Variants in C1orf21 observed in about 807,000 individuals in gnomAD.
C1orf21 encodes uncharacterized protein C1orf21.
Under a neutral mutation model 18.7 loss-of-function variants are expected in C1orf21, and 3 were observed. That is an observed-to-expected ratio of 0.16 (90% CI 0.07 to 0.42). The LOEUF is 0.42. C1orf21 is among the 10% of genes least tolerant of loss of function. C1orf21 has a pLI of 0.99. For synonymous variants in C1orf21, 41 were observed against 46.4 expected (o/e 0.88, Z 0.47); for missense variants, 104 against 143.6 (o/e 0.72, Z 1.41).
rs1290352582 is a variant in C1orf21 at position 184,616,660 on chromosome 1, ATG to A, written c.328-2851_328-2850del. On this transcript the variant is annotated intron_variant, in intron 5 of 5. Coordinates refer to ENST00000235307, the MANE Select transcript of C1orf21 (RefSeq NM_030806.4). ...TGAGAACACCACCTTTCATGTATGC[ATG>A]TGTGTGCATGTGTGCACGTGTGTGT... Among the ~76,000 whole-genome samples, 5 of 151,878 alleles carry A rather than the reference ATG, an allele frequency of 3.3e-5. 1 individual carries two copies. The highest frequency in any genetic ancestry group is 4.8e-5 in the African/African-American group (2 of 41,382).
intron 3 of C1orf21, among the ~76,000 whole-genome samples, chr1:184,561,172 G>A (rs1275933035): frequency 6.6e-6 from 1 of 152,134 alleles, no homozygotes; most frequent in African/African-American, 2.4e-5. Flanking sequence ...CCCAACCTAA[G>A]CCTGCCAGTG....
At chr1:184,445,282 T>C (rs1657010658) in intron 1 of C1orf21, among the ~76,000 whole-genome samples, 1 of 152,050 alleles carries the variant, frequency 6.6e-6, no homozygotes, top group South Asian at 2.1e-4. Flanking sequence ...TCAGGCATGT[T>C]TTCAGAGAAA....
chr1:184,569,655 G>A (rs575412344), intron 3 of C1orf21, among the ~76,000 whole-genome samples: 12 of 152,272 alleles, frequency 7.9e-5, no homozygotes, highest in African/African-American at 2.6e-4. Context: ...CCAGGAGTTC[G>A]AGGACAGCCT....
At chr1:184,589,947 C>G (rs1370275341) in intron 3 of C1orf21, among the ~76,000 whole-genome samples, 4 of 152,170 alleles carry the variant, frequency 2.6e-5, no homozygotes, top group Non-Finnish European at 4.4e-5. Flanking sequence ...GGCCTTACCT[C>G]AAGTTCCTCG....
chr1:184,554,853 G>C (rs1353461644), intron 3 of C1orf21, among the ~76,000 whole-genome samples: 6 of 152,182 alleles, frequency 3.9e-5, no homozygotes, highest in Non-Finnish European at 8.8e-5. Flanking sequence ...CTTGAAAATA[G>C]AAGTAAAAAT....
At position 184,624,490 on chromosome 1, in the gene C1orf21, G is replaced by C. The variant is rs1011182414; in HGVS notation, c.*4934G>C. ...TTTCTTTCCTGGGTTCCCAAGTCTTGTTGTTTCATCACAAACTGTATCTTT... is the reference window on the plus strand; with the variant it reads ...TTTCTTTCCTGGGTTCCCAAGTCTTCTTGTTTCATCACAAACTGTATCTTT... On this transcript the variant is annotated 3_prime_UTR_variant, in exon 6 of 6. Coordinates refer to ENST00000235307, the MANE Select transcript of C1orf21 (RefSeq NM_030806.4). The C allele has an allele frequency of 2.6e-5, 4 of 152,156 alleles. No individual in the cohort carries two copies. The highest frequency in any genetic ancestry group is 9.7e-5 in the African/African-American group (4 of 41,448). 9.4% of individuals were successfully genotyped at this position (152,156 alleles called of 1,614,324 possible). A position where few individuals can be genotyped will look rare whatever the true frequency, so the allele number is the denominator to read the frequency against.
intron 1 of C1orf21, among the ~76,000 whole-genome samples, chr1:184,404,824 C>A (rs80053700): frequency 0.016 from 2,396 of 152,262 alleles, 29 homozygotes; most frequent in Non-Finnish European, 0.025. Context: ...TCTCTACCCC[C>A]TCGTGATGCG....
chr1:184,493,782 A>G (rs1388027619), intron 2 of C1orf21, among the ~76,000 whole-genome samples: 2 of 152,164 alleles, frequency 1.3e-5, no homozygotes, highest in Admixed American at 6.5e-5. Context: ...GAAAGTGTTT[A>G]TAAGATCTTG....
rs1659976555 is a variant in C1orf21, at chr1:184,624,576, G to A, written c.*5020G>A. 1 of 152,182 alleles carries A rather than the reference G, an allele frequency of 6.6e-6. No individual in the cohort carries two copies. Among genetic ancestry groups the A allele is most frequent in the South Asian group, 2.1e-4 (1 of 4,830 alleles). 9.4% of individuals were successfully genotyped at this position (152,182 alleles called of 1,614,324 possible). On this transcript the variant is annotated 3_prime_UTR_variant, in exon 6 of 6. Transcript: ENST00000235307. ...GGACAATCCGATCTCCAAGCATGGA[G>A]GAAAGGCAATGCCTGGACCACTGAC...
At chr1:184,572,580 A>T (rs185797551) in intron 3 of C1orf21, among the ~76,000 whole-genome samples, 1 of 152,314 alleles carries the variant, frequency 6.6e-6, no homozygotes, top group Admixed American at 6.5e-5. Flanking sequence ...TGGTAAAGTC[A>T]TTGTTGAAGA....
At chr1:184,506,955 T>C (rs1196007982) in intron 2 of C1orf21, among the ~76,000 whole-genome samples, 1 of 151,592 alleles carries the variant, frequency 6.6e-6, no homozygotes, top group Non-Finnish European at 1.5e-5. Context: ...TACAGAGAGA[T>C]TGAATTAAAG....
intron 2 of C1orf21, among the ~76,000 whole-genome samples, chr1:184,498,403 T>A (rs1012332947): frequency 2.0e-5 from 3 of 152,204 alleles, no homozygotes; most frequent in African/African-American, 4.8e-5. Flanking sequence ...TCTCTCTCTC[T>A]CACCTTTGGC....
intron 2 of C1orf21, among the ~76,000 whole-genome samples, chr1:184,494,449 G>C (rs1657860793): frequency 1.3e-5 from 2 of 152,198 alleles, no homozygotes; most frequent in Admixed American, 6.5e-5. Flanking sequence ...TATAGGAAGA[G>C]AGTGAAGCAG....
chr1:184,598,548 T>C, intron 5 of C1orf21, 87 bp downstream of exon 5: 3 of 1,272,764 alleles, frequency 2.4e-6, no homozygotes, highest in South Asian at 1.4e-5. Flanking sequence ...CTTGTTTCTA[T>C]GTCATAAAGC....
chr1:184,584,525 T>A (rs1373267308), intron 3 of C1orf21, among the ~76,000 whole-genome samples: 1 of 152,150 alleles, frequency 6.6e-6, no homozygotes, highest in Admixed American at 6.5e-5. Flanking sequence ...TCTTAAATAA[T>A]GAAACATAAA....
chr1:184,459,045 GA>G (rs768974899), intron 1 of C1orf21, among the ~76,000 whole-genome samples: 13 of 152,260 alleles, frequency 8.5e-5, no homozygotes, highest in Non-Finnish European at 1.9e-4. Flanking sequence ...CTTCTATGTA[GA>G]TTGCATTATG....
At chr1:184,459,012 A>G (rs955197818) in intron 1 of C1orf21, among the ~76,000 whole-genome samples, 12 of 152,232 alleles carry the variant, frequency 7.9e-5, no homozygotes, top group Non-Finnish European at 7.3e-5. Flanking sequence ...TAGTAATCAT[A>G]TCTACTTAAA....
chr1:184,436,636 A>G (rs781441071), intron 1 of C1orf21, among the ~76,000 whole-genome samples: 1 of 152,164 alleles, frequency 6.6e-6, no homozygotes, highest in Non-Finnish European at 1.5e-5. Context: ...GTTGGAACAC[A>G]TAAAGGTAAT....
intron 3 of C1orf21, among the ~76,000 whole-genome samples, chr1:184,531,718 T>C (rs1241941657): frequency 6.6e-6 from 1 of 152,214 alleles, no homozygotes; most frequent in African/African-American, 2.4e-5. Context: ...AAGCCGACTT[T>C]AAATTTCATT....
Sources: allele counts gnomAD v4.1 joint callset (sites outside exome capture counted in the v4.1 genomes callset), GRCh38; gene constraint gnomAD v4.1.1; transcripts MANE v1.5; gene names NCBI Gene and HGNC (gene_info 2026-07-23, HGNC 2026-07-21).